Variants in NIPSNAP1 observed in about 807,000 individuals in gnomAD.
NIPSNAP1 encodes the protein protein NipSnap homolog 1.
Under a neutral mutation model 49.2 loss-of-function variants are expected in NIPSNAP1, and 25 were observed. The ratio of observed to expected loss-of-function variants is 0.51; its 90% CI spans 0.37 to 0.71. The LOEUF (loss-of-function observed/expected upper bound fraction) is 0.71. NIPSNAP1 is among the 30% of genes least tolerant of loss of function. The pLI, the probability that NIPSNAP1 is intolerant of heterozygous loss-of-function variation, is 0.00. For synonymous variants in NIPSNAP1, 143 were observed against 140.7 expected, an observed-to-expected ratio of 1.02 and a Z score of -0.12; for missense variants, 294 against 361.0, an observed-to-expected ratio of 0.81 and a Z score of 1.50.
intron 7 of NIPSNAP1, 50 bp from the exon 8 acceptor site, chr22:29,560,878 G>C: frequency 6.5e-7 from 1 of 1,539,944 alleles, no homozygotes. Flanking sequence ...GGTGCAGAGG[G>C]TACTGAGGCT....
intron 1 of NIPSNAP1, among the ~76,000 whole-genome samples, chr22:29,575,036 A>G (rs2064441386): frequency 6.6e-6 from 1 of 152,182 alleles, no homozygotes; most frequent in East Asian, 1.9e-4. Flanking sequence ...GGGCAGAGTT[A>G]AGAACCCAGC....
At chr22:29,575,786 C>G (rs1284115582) in intron 1 of NIPSNAP1, among the ~76,000 whole-genome samples, 2 of 151,084 alleles carry the variant, frequency 1.3e-5, no homozygotes, top group Non-Finnish European at 2.9e-5. Context: ...GTGATCTGGG[C>G]TCACTGCAAC....
At chr22:29,564,135 A>G in intron 4 of NIPSNAP1, 1 of 342,214 alleles carries the variant, frequency 2.9e-6, no homozygotes. Context: ...GAAGGTCCCC[A>G]GGGGATCACA....
intron 9 of NIPSNAP1, among the ~76,000 whole-genome samples, chr22:29,558,450 CAG>C (rs1365771940): frequency 6.6e-6 from 1 of 152,000 alleles, no homozygotes; most frequent in Non-Finnish European, 1.5e-5. Context: ...CCCTGGGTGA[CAG>C]AGTGAGACTG....
chr22:29,557,481 G>A (rs986568749), intron 9 of NIPSNAP1, among the ~76,000 whole-genome samples: 1 of 151,798 alleles, frequency 6.6e-6, no homozygotes, highest in African/African-American at 2.4e-5. Flanking sequence ...AGGCTGGAGT[G>A]CAATGGCACA....
intron 4 of NIPSNAP1, among the ~76,000 whole-genome samples, chr22:29,565,783 C>T (rs1197440908): frequency 2.0e-5 from 3 of 152,008 alleles, no homozygotes; most frequent in Non-Finnish European, 4.4e-5. Flanking sequence ...CCAGCCTGGG[C>T]AATATAGTGA....
At position 29,555,797 on chromosome 22, in the gene NIPSNAP1, C is replaced by T. The variant is rs1162767727; in HGVS notation, c.*138G>A. Reference sequence around the variant, plus strand: ...CCTCAGAACTTGTCAGCCTTCAGTTCCCCCTTGTCTGAACTGAGCACTGCC... The same window carrying T: ...CCTCAGAACTTGTCAGCCTTCAGTTTCCCCTTGTCTGAACTGAGCACTGCC... On this transcript the variant is annotated 3_prime_UTR_variant, in exon 10 of 10. Transcript: ENST00000216121. 6 of 777,974 alleles carry T rather than the reference C, an allele frequency of 7.7e-6. No individual in the cohort carries two copies. The highest frequency in any genetic ancestry group is 1.1e-5 in the Non-Finnish European group (5 of 444,558). 48.2% of individuals were successfully genotyped at this position (777,974 alleles called of 1,614,324 possible). A position where few individuals can be genotyped will look rare whatever the true frequency, so the allele number is the denominator to read the frequency against.
chr22:29,560,920 T>A, intron 7 of NIPSNAP1, 92 bp from the exon 8 acceptor site: 2 of 1,228,744 alleles, frequency 1.6e-6, no homozygotes, highest in Non-Finnish European at 2.4e-6. Flanking sequence ...AGGAGGGGCC[T>A]AGGTGGAACC....
intron 7 of NIPSNAP1, 116 bp downstream of exon 7, chr22:29,561,055 G>A: frequency 1.9e-6 from 2 of 1,063,118 alleles, no homozygotes; most frequent in South Asian, 1.3e-5. Flanking sequence ...ATGAGGGGCA[G>A]AAGGTAAAGA....
intron 4 of NIPSNAP1, among the ~76,000 whole-genome samples, chr22:29,562,437 G>A (rs1379176740): frequency 3.3e-5 from 5 of 152,190 alleles, no homozygotes; most frequent in African/African-American, 1.2e-4. Flanking sequence ...CAGTAGACCA[G>A]GCGCAGTGGC....
At chr22:29,560,918 C>A in intron 7 of NIPSNAP1, 90 bp from the exon 8 acceptor site, 1 of 1,264,194 alleles carries the variant, frequency 7.9e-7, no homozygotes, top group South Asian at 1.2e-5. Flanking sequence ...ACAGGAGGGG[C>A]CTAGGTGGAA....
chr22:29,576,754 T>C (rs896024146), intron 1 of NIPSNAP1, among the ~76,000 whole-genome samples: 2 of 151,244 alleles, frequency 1.3e-5, no homozygotes, highest in Non-Finnish European at 2.9e-5. Context: ...TGAAACCCCG[T>C]CTGTACTAAA....
intron 4 of NIPSNAP1, among the ~76,000 whole-genome samples, chr22:29,567,133 AT>A (rs1296247672): frequency 6.6e-6 from 1 of 152,176 alleles, no homozygotes; most frequent in Non-Finnish European, 1.5e-5. Flanking sequence ...TCTCAAAAAA[AT>A]AAATAAATAA....
rs1188893024 is a variant in NIPSNAP1 at position 29,581,055 on chromosome 22, C to T, written c.28G>A (p.Val10Met). The T allele has an allele frequency of 2.9e-5, 45 of 1,540,878 alleles. No individual in the cohort carries two copies. The highest frequency in any genetic ancestry group is 1.7e-6 in the Non-Finnish European group (2 of 1,145,866). Residue 10 changes from valine to methionine, a missense_variant, in exon 1 of 10, where the codon GTG becomes ATG. Physicochemically the swap from Val to Met is conservative, Grantham distance 21. Transcript: ENST00000216121. MAPRLCSIS[V>M]TARRLLGGPG... ...CCCCCCAGCAGCCGCCGCGCCGTCACAGAGATGCTGCACAGCCGCGGAGCC... is the reference window on the plus strand; with the variant it reads ...CCCCCCAGCAGCCGCCGCGCCGTCATAGAGATGCTGCACAGCCGCGGAGCC...
chr22:29,560,812 A>G lies in NIPSNAP1; in HGVS notation c.628T>C (p.Tyr210His), dbSNP rs1351958846. Residue 210 changes from tyrosine (Y) to histidine (H), a missense_variant, in exon 8 of 10, where the codon TAC becomes CAC. Around this residue, in one of 4 missense-constraint regions of NIPSNAP1, gnomAD observed 146 missense variants for 219.9 expected, o/e 0.66. Coordinates refer to ENST00000216121, the MANE Select transcript of NIPSNAP1 (RefSeq NM_003634.4). The stretch of plus-strand genomic sequence containing the variant: ...ACTGCCTCCTGGTTCTCCTGCCGGT[A>G]CTTGATGGCCCGAGCCCTGGAGAAG... Reference protein sequence around the residue: ...WGNNWARAIKYRQENQEAVGG... With the variant: ...WGNNWARAIKHRQENQEAVGG... 1.9e-6 allele frequency: 3 copies of G among 1,614,110 alleles called. No homozygotes were observed. The highest frequency in any genetic ancestry group is 2.5e-6 in the Non-Finnish European group (3 of 1,180,026).
intron 3 of NIPSNAP1, 163 bp downstream of exon 3, chr22:29,569,995 AAAAG>A (rs967434783): frequency 1.3e-5 from 9 of 685,108 alleles, no homozygotes; most frequent in African/African-American, 7.2e-5. Flanking sequence ...ATCTCAAAAA[AAAAG>A]AAAGAGAGAA....
At chr22:29,557,912 C>T (rs985404146) in intron 9 of NIPSNAP1, among the ~76,000 whole-genome samples, 11 of 152,152 alleles carry the variant, frequency 7.2e-5, no homozygotes, top group African/African-American at 2.4e-4. Context: ...TTAATTAACA[C>T]CCACTGACTC....
rs959746638 is a variant in NIPSNAP1, at chr22:29,555,052, T to C, written c.*883A>G. 1.3e-5 allele frequency: 2 copies of C among 152,494 alleles called. No individual in the cohort carries two copies. Among genetic ancestry groups the C allele is most frequent in the African/African-American group, 4.8e-5 (2 of 41,428 alleles). 9.4% of individuals were successfully genotyped at this position (152,494 alleles called of 1,614,324 possible). On this transcript the variant is annotated 3_prime_UTR_variant, in exon 10 of 10. Coordinates refer to ENST00000216121, the MANE Select transcript of NIPSNAP1 (RefSeq NM_003634.4). ...GTGAGGGAACAGGGTCTAGCTTGTA[T>C]ATTTGCCTGCAGGAAGGAGGGAGGG... is the stretch of plus-strand genomic sequence containing the variant.
chr22:29,560,773 A>T lies in NIPSNAP1; in HGVS notation c.667T>A (p.Ser223Thr). 1 of 1,614,092 alleles carries T rather than the reference A, an allele frequency of 6.2e-7. No individual in the cohort carries two copies. The highest frequency in any genetic ancestry group is 1.3e-5 in the African/African-American group (1 of 75,022). The change falls in exon 8 of 10, where the codon TCA becomes ACA. Residue 223 changes from serine (S) to threonine (T), a missense_variant. Ser to Thr is a moderately conservative substitution (Grantham distance 58). Around this residue, in one of 4 missense-constraint regions of NIPSNAP1, gnomAD observed 146 missense variants for 219.9 expected, o/e 0.66. Coordinates refer to ENST00000216121, the MANE Select transcript of NIPSNAP1 (RefSeq NM_003634.4). ...ACCACGTAGAGCTCTCCTATCTGTG[A>T]GAAGAAGCCGCCCACTGCCTCCTGG... Reference protein sequence around the residue: ...ENQEAVGGFFSQIGELYVVHH... With the variant: ...ENQEAVGGFFTQIGELYVVHH...
Sources: allele counts gnomAD v4.1 joint callset (sites outside exome capture counted in the v4.1 genomes callset), GRCh38; gene constraint gnomAD v4.1.1; regional missense constraint gnomAD v4.1.1; transcripts MANE v1.5; gene names NCBI Gene and HGNC (gene_info 2026-07-23, HGNC 2026-07-21).